The following SDCCAG8 variants were observed in gnomAD, a reference collection of about 807,000 sequenced individuals.
The protein encoded by SDCCAG8 is SHH signaling and ciliogenesis regulator SDCCAG8.
A neutral mutation model predicts 101.8 loss-of-function variants in SDCCAG8; 74 were observed. That is an observed-to-expected ratio of 0.73 (90% CI 0.60 to 0.88). The LOEUF (loss-of-function observed/expected upper bound fraction) is 0.88, where lower values mean the gene tolerates loss of function less well. Among genes scored for constraint, SDCCAG8 ranks in the 40% least tolerant of loss-of-function variants. The probability of loss-of-function intolerance (pLI) is 0.00; values close to 1 mark genes in which losing one functional copy is unlikely to be tolerated. For missense variants in SDCCAG8, 787 were observed against 822.6 expected, an observed-to-expected ratio of 0.96 and a Z score of 0.53; for synonymous variants, 281 against 292.9, an observed-to-expected ratio of 0.96 and a Z score of 0.41.
At chr1:243,301,543 C>T (rs1479420232) in intron 6 of SDCCAG8, among the ~76,000 whole-genome samples, 1 of 152,112 alleles carries the variant, frequency 6.6e-6, no homozygotes, top group African/African-American at 2.4e-5. Context: ...CATTTCAAGT[C>T]TGTTGCCCCA....
At chr1:243,404,996 A>G (rs546253987) in intron 13 of SDCCAG8, among the ~76,000 whole-genome samples, 1 of 151,832 alleles carries the variant, frequency 6.6e-6, no homozygotes, top group East Asian at 1.9e-4. Context: ...CCTCCTGAGT[A>G]ACTGGGATTA....
intron 12 of SDCCAG8, among the ~76,000 whole-genome samples, chr1:243,375,847 G>T (rs1442985628): frequency 1.3e-5 from 2 of 152,122 alleles, no homozygotes; most frequent in South Asian, 4.1e-4. Context: ...CTCTTCTAAC[G>T]GTTGGACTTG....
chr1:243,454,473 C>G (rs2083588675), intron 16 of SDCCAG8, among the ~76,000 whole-genome samples: 1 of 152,120 alleles, frequency 6.6e-6, no homozygotes, highest in South Asian at 2.1e-4. Context: ...TCGGAATGCA[C>G]TTCTTTCCTT....
chr1:243,377,985 T>C (rs1480896418), intron 12 of SDCCAG8, among the ~76,000 whole-genome samples: 1 of 151,612 alleles, frequency 6.6e-6, no homozygotes, highest in Non-Finnish European at 1.5e-5. Flanking sequence ...ATATTTTTGC[T>C]TTGAAATATT....
At chr1:243,383,227 A>T (rs554501153) in intron 13 of SDCCAG8, among the ~76,000 whole-genome samples, 2 of 152,330 alleles carry the variant, frequency 1.3e-5, no homozygotes, top group South Asian at 2.1e-4. Context: ...GGGCAGTAAC[A>T]ATTAAAACCA....
chr1:243,439,622 T>TCACACACACACACACACA (rs60044857), intron 16 of SDCCAG8, among the ~76,000 whole-genome samples: 1,310 of 120,144 alleles, frequency 0.011, 22 homozygotes, highest in African/African-American at 0.017. Flanking sequence ...TGAGACTCCA[T>TCACACACACACACACACA]CACACACACA....
At chr1:243,346,527 A>G (rs2075718629) in intron 12 of SDCCAG8, among the ~76,000 whole-genome samples, 1 of 152,244 alleles carries the variant, frequency 6.6e-6, no homozygotes, top group African/African-American at 2.4e-5. Context: ...TGTGAGAACA[A>G]CAGCTTTTTT....
intron 12 of SDCCAG8, among the ~76,000 whole-genome samples, chr1:243,360,820 TCAAAA>T (rs571680814): frequency 1.1e-4 from 17 of 151,844 alleles, no homozygotes; most frequent in African/African-American, 2.7e-4. Context: ...AGACTCCATC[TCAAAA>T]CAAAACAAAA....
chr1:243,336,391 C>T (rs1385531765), intron 10 of SDCCAG8, among the ~76,000 whole-genome samples: 1 of 152,046 alleles, frequency 6.6e-6, no homozygotes, highest in Non-Finnish European at 1.5e-5. Context: ...AGTCTGTTCT[C>T]GCACTGCTAT....
intron 12 of SDCCAG8, among the ~76,000 whole-genome samples, chr1:243,348,277 C>T (rs1417085461): frequency 6.7e-6 from 1 of 149,806 alleles, no homozygotes; most frequent in African/African-American, 2.5e-5. Flanking sequence ...GTCTCGATCT[C>T]CTGACCTCTT....
chr1:243,499,234 T>C (rs1433139435), intron 17 of SDCCAG8, among the ~76,000 whole-genome samples: 1 of 152,214 alleles, frequency 6.6e-6, no homozygotes, highest in East Asian at 1.9e-4. Context: ...TTCCAACACA[T>C]GTGAGGTTTC....
intron 13 of SDCCAG8, among the ~76,000 whole-genome samples, chr1:243,395,359 A>T (rs1278543095): frequency 1.3e-5 from 2 of 152,226 alleles, no homozygotes; most frequent in Non-Finnish European, 1.5e-5. Context: ...AGGTGACCAA[A>T]GTACTGTCAA....
Position 243,335,142 on chromosome 1 carries a change from G to T in SDCCAG8, c.1221+4450G>T, listed in dbSNP as rs536056636. 2.6e-5 allele frequency among the ~76,000 whole-genome samples: 4 copies of T among 152,338 alleles called. No homozygotes were observed. The East Asian group carries it at 7.7e-4, about 29-fold the overall frequency. On this transcript the variant is annotated intron_variant, in intron 10 of 17. Transcript: ENST00000366541. Reference sequence around the variant, plus strand: ...AAAAAAGTCCCTATGCCATTGGGAAGTTATGGCTAAAATGCTGAGAGTTCA... The same window carrying T: ...AAAAAAGTCCCTATGCCATTGGGAATTTATGGCTAAAATGCTGAGAGTTCA...
At chr1:243,436,921 T>G (rs1175140940) in intron 16 of SDCCAG8, among the ~76,000 whole-genome samples, 1 of 152,148 alleles carries the variant, frequency 6.6e-6, no homozygotes, top group Non-Finnish European at 1.5e-5. Context: ...AATAGGTAAA[T>G]TTCTGTTCTT....
chr1:243,490,573 T>C (rs1187809006), intron 17 of SDCCAG8, among the ~76,000 whole-genome samples: 8 of 152,244 alleles, frequency 5.3e-5, no homozygotes. Context: ...AACTTAAGCC[T>C]TTTTCCAGCC....
intron 3 of SDCCAG8, among the ~76,000 whole-genome samples, chr1:243,273,909 TA>T (rs1398412341): frequency 1.3e-5 from 2 of 152,196 alleles, no homozygotes; most frequent in South Asian, 2.1e-4. Context: ...CATCCATCTT[TA>T]AAAAAAATGA....
At chr1:243,410,304 G>A (rs963960244) in intron 13 of SDCCAG8, among the ~76,000 whole-genome samples, 1 of 152,148 alleles carries the variant, frequency 6.6e-6, no homozygotes, top group Non-Finnish European at 1.5e-5. Context: ...TGTTAATCAA[G>A]CTATCAAAGC....
At chr1:243,333,436 G>T (rs187239268) in intron 10 of SDCCAG8, among the ~76,000 whole-genome samples, 2 of 152,356 alleles carry the variant, frequency 1.3e-5, no homozygotes, top group East Asian at 3.9e-4. Context: ...GCATCCAGGT[G>T]TCAGTGTGTT....
At chr1:243,272,277 G>A (rs1003724261) in intron 3 of SDCCAG8, among the ~76,000 whole-genome samples, 2 of 152,190 alleles carry the variant, frequency 1.3e-5, no homozygotes, top group Non-Finnish European at 2.9e-5. Context: ...GCTGAAAAGT[G>A]TGGAGACATG....
Sources: allele counts gnomAD v4.1 joint callset (sites outside exome capture counted in the v4.1 genomes callset), GRCh38; gene constraint gnomAD v4.1.1; transcripts MANE v1.5; gene names NCBI Gene and HGNC (gene_info 2026-07-23, HGNC 2026-07-21).